The following GGCX variants were observed in gnomAD, a reference collection of about 807,000 sequenced individuals.
GGCX encodes gamma-glutamyl carboxylase, also known as vitamin K-dependent gamma-carboxylase.
GGCX carries 63 observed loss-of-function variants against 88.5 expected under a neutral mutation model. The observed-to-expected ratio is 0.71, with a 90% confidence interval of 0.58 to 0.88. The LOEUF is 0.88. Ranked by LOEUF, GGCX falls within the 40% of genes least tolerant of loss-of-function variation. The pLI is 0.00. For synonymous variants in GGCX, 368 were observed against 365.8 expected (o/e 1.01, Z -0.07); for missense variants, 805 against 932.9 (o/e 0.86, Z 1.79).
Position 85,555,540 on chromosome 2 carries a change from C to T in GGCX, c.669G>A (p.Trp223Ter). 1 of 1,608,846 alleles carries T rather than the reference C, an allele frequency of 6.2e-7. No individual in the cohort carries two copies. Among genetic ancestry groups the T allele is most frequent in the Non-Finnish European group, 8.5e-7 (1 of 1,175,238 alleles). Residue 223 changes from tryptophan to a stop codon, truncating the protein, a stop_gained, in exon 6 of 15, where the codon TGG (tryptophan) becomes TGA (stop). Transcript: ENST00000233838. LOFTEE classifies it high-confidence loss of function. ...AATATTCCATGGAATAGCCTTCAAC[C>T]CAGTCTGCATCCAGCTTTTTCACAC... is the stretch of plus-strand genomic sequence containing the variant. ...IAGVKKLDAD[W>*]VEGYSMEYLS...
chr2:85,553,659 G>A (rs2103967453), intron 7 of GGCX, 162 bp from the exon 8 acceptor site: 1 of 684,770 alleles, frequency 1.5e-6, no homozygotes, highest in Non-Finnish European at 2.5e-6. Context: ...GAGTGCAGTG[G>A]CGTGATCTCA....
In GGCX at chr2:85,551,968, G is replaced by A. The variant is rs773659201; in HGVS notation, c.1453C>T (p.Arg485Cys). 10 of 1,613,650 alleles carry A rather than the reference G, an allele frequency of 6.2e-6. No individual in the cohort carries two copies. The highest frequency in any genetic ancestry group is 3.3e-5 in the Admixed American group (2 of 59,986). The change falls in exon 11 of 15, where the codon CGT (arginine) becomes TGT (cysteine). Residue 485 changes from arginine to cysteine, a missense_variant. This residue lies in a region of GGCX where 680 missense variants were observed against 763.7 expected (regional missense o/e 0.89). Transcript: ENST00000233838. ...CAAGCGGCCTGCACGATGTCCACAC[G>A]AGGGTCAAAAATCCTTAGGAAAGAA... ...DRFQQRIFDPRVDIVQAAWSP... is the reference protein window; with the variant it reads ...DRFQQRIFDPCVDIVQAAWSP...
In GGCX at chr2:85,560,903, C is replaced by T. The variant is rs1206452899; in HGVS notation, c.126G>A (p.Trp42Ter). 1.9e-6 allele frequency: 3 copies of T among 1,613,856 alleles called. No individual in the cohort carries two copies. Among genetic ancestry groups the T allele is most frequent in the Non-Finnish European group, 1.7e-6 (2 of 1,179,732 alleles). The change falls in exon 2 of 15, where the codon TGG (tryptophan) becomes TGA (stop). Residue 42 changes from tryptophan to a stop codon, truncating the protein, a stop_gained. Transcript: ENST00000233838. LOFTEE classifies it high-confidence loss of function. ...GCCTCCGCCAACTGGACAAATCTGT[C>T]CACTCAAAACCCAAGAGTTTCCCTA... is the stretch of plus-strand genomic sequence containing the variant. Reference protein sequence around the residue: ...SRIGKLLGFEWTDLSSWRRLV... With the variant: ...SRIGKLLGFE
At chr2:85,550,879 T>G in intron 13 of GGCX, 46 bp downstream of exon 13, 10 of 1,607,196 alleles carry the variant, frequency 6.2e-6, no homozygotes, top group Non-Finnish European at 8.5e-6. Context: ...TAACCCTGAC[T>G]TCTTGAAACC....
rs1691926177 is a variant in GGCX, at chr2:85,551,053, T to C, written c.1760A>G (p.His587Arg). The change falls in exon 13 of 15, where the codon CAT becomes CGT. Residue 587 changes from histidine (H) to arginine (R), a missense_variant. His to Arg is a conservative substitution (Grantham distance 29). Transcript: ENST00000233838. ...EKMQLPAGEY[H>R]KVYTTSPSPS... Reference sequence around the variant, plus strand: ...GCTAGGTGATGTCGTATACACCTTATGGTACTCACCAGCAGGCAACTGACA... The same window carrying C: ...GCTAGGTGATGTCGTATACACCTTACGGTACTCACCAGCAGGCAACTGACA... 8 of 1,613,874 alleles carry C rather than the reference T, an allele frequency of 5.0e-6. No homozygotes were observed. The African/African-American group carries it at 9.3e-5, about 19-fold the overall frequency.
At position 85,550,933 on chromosome 2, in the gene GGCX, T is replaced by G; in HGVS notation, c.1880A>C (p.Asn627Thr). Reference sequence around the variant, plus strand: ...AATGTTCATACACTCACCACTTCCATTCTCCACCTTTTCCTTTAATTCTTG... The same window carrying G: ...AATGTTCATACACTCACCACTTCCAGTCTCCACCTTTTCCTTTAATTCTTG... ...YLQELKEKVE[N>T]GSETGPLPPE... Residue 627 changes from asparagine to threonine, a missense_variant, in exon 13 of 15, where the codon AAT becomes ACT. By Grantham distance (65) the Asn-to-Thr change is moderately conservative. Transcript: ENST00000233838. The G allele has an allele frequency of 6.2e-7, 1 of 1,614,160 alleles. No individual in the cohort carries two copies. Among genetic ancestry groups the G allele is most frequent in the Non-Finnish European group, 8.5e-7 (1 of 1,179,990 alleles).
At chr2:85,557,916 C>T (rs923295923) in intron 4 of GGCX, among the ~76,000 whole-genome samples, 1 of 152,128 alleles carries the variant, frequency 6.6e-6, no homozygotes, top group Non-Finnish European at 1.5e-5. Flanking sequence ...CTCCAAATCC[C>T]TTCTCCACCT....
intron 6 of GGCX, 167 bp from the exon 7 acceptor site, chr2:85,554,473 T>TTGC: frequency 3.0e-6 from 2 of 676,464 alleles, no homozygotes; most frequent in Non-Finnish European, 5.3e-6. Context: ...GTTGTTGTTG[T>TTGC]TGTTGTTGTT....
rs1691890347 is a variant in GGCX, at chr2:85,550,539, ATTG to A, written c.2084+13_2084+15del. ...CCAACATATGATGGCAATGACAAAT[ATTG>A]TTGTGAACTTACCTGCGGCGAAAGA... On this transcript the variant is annotated intron_variant, in intron 14 of 14. Coordinates refer to ENST00000233838, the MANE Select transcript of GGCX (RefSeq NM_000821.7). The A allele has an allele frequency of 6.3e-7, 1 of 1,596,436 alleles. No homozygotes were observed. Among genetic ancestry groups the A allele is most frequent in the Admixed American group, 1.7e-5 (1 of 59,972 alleles).
chr2:85,560,938 C>T lies in GGCX; in HGVS notation c.91G>A (p.Asp31Asn), dbSNP rs74843621. ...KAELISGPRQ[D>N]SRIGKLLGFE... is the part of the protein sequence containing the mutation. Reference sequence around the variant, plus strand: ...CCCAAGAGTTTCCCTATTCGGCTGTCCTGCCTGGGCCCTGAGATCAGTTCA... The same window carrying T: ...CCCAAGAGTTTCCCTATTCGGCTGTTCTGCCTGGGCCCTGAGATCAGTTCA... The change falls in exon 2 of 15, where the codon GAC (aspartate) becomes AAC (asparagine). Residue 31 changes from aspartate (D) to asparagine (N), a missense_variant. Physicochemically the swap from Asp to Asn is conservative, Grantham distance 23. This residue lies in a region of GGCX where 64 missense variants were observed against 57.4 expected (regional missense o/e 1.12). Transcript: ENST00000233838. 346 of 1,614,062 alleles carry T rather than the reference C, an allele frequency of 2.1e-4. No individual in the cohort carries two copies. The African/African-American group carries it at 4.1e-3, about 19-fold the overall frequency.
Position 85,553,064 on chromosome 2 carries a change from T to C in GGCX, c.1162A>G (p.Asn388Asp), listed in dbSNP as rs761999595. 1 of 1,614,160 alleles carries C rather than the reference T, an allele frequency of 6.2e-7. No individual in the cohort carries two copies. Among genetic ancestry groups the C allele is most frequent in the South Asian group, 1.1e-5 (1 of 91,084 alleles). ...PYSHFLTQGY[N>D]NWTNGLYGYS... ...CCATACAGCCCATTTGTCCAGTTGT[T>C]ATAGCCCTGGGAAGGCAGCACAGAG... The change falls in exon 9 of 15, where the codon AAC (asparagine) becomes GAC (aspartate). Residue 388 changes from asparagine (N) to aspartate (D), a missense_variant. Asn to Asp is a conservative substitution (Grantham distance 23). This residue lies in a region of GGCX where 680 missense variants were observed against 763.7 expected (regional missense o/e 0.89). Transcript: ENST00000233838.
chr2:85,554,765 GC>G, intron 6 of GGCX: 2 of 252,958 alleles, frequency 7.9e-6, no homozygotes, highest in East Asian at 9.4e-5. Context: ...ACCATGCCCA[GC>G]CCCCTCTACA....
Position 85,546,914 on chromosome 2 carries a change from G to A in GGCX, c.*3020C>T, listed in dbSNP as rs1159070440. On this transcript the variant is annotated 3_prime_UTR_variant, in exon 15 of 15. Coordinates refer to ENST00000233838, the MANE Select transcript of GGCX (RefSeq NM_000821.7). ...ACATTAGGGGAATGAGCATGGATAG[G>A]TGCCTCCAAGTTGGTAGAATAGCAT... 5 of 152,208 alleles carry A rather than the reference G, an allele frequency of 3.3e-5. No individual in the cohort carries two copies. The highest frequency in any genetic ancestry group is 6.5e-5 in the Admixed American group (1 of 15,286). 9.4% of individuals were successfully genotyped at this position (152,208 alleles called of 1,614,324 possible). A position where few individuals can be genotyped will look rare whatever the true frequency, so the allele number is the denominator to read the frequency against.
chr2:85,561,480 C>A lies in GGCX; in HGVS notation c.-52G>T. 1 of 1,400,756 alleles carries A rather than the reference C, an allele frequency of 7.1e-7. No individual in the cohort carries two copies. The highest frequency in any genetic ancestry group is 1.9e-4 in the Middle Eastern group (1 of 5,270). 86.8% of individuals were successfully genotyped at this position (1,400,756 alleles called of 1,614,324 possible). Reference sequence around the variant, plus strand: ...ACAGCTGCCGCGTCTGAACGGAGGCCGCCAGGAGAATTTGCTTCCCTAGGC... The same window carrying A: ...ACAGCTGCCGCGTCTGAACGGAGGCAGCCAGGAGAATTTGCTTCCCTAGGC... On this transcript the variant is annotated 5_prime_UTR_variant, in exon 1 of 15. Coordinates refer to ENST00000233838, the MANE Select transcript of GGCX (RefSeq NM_000821.7).
At position 85,552,560 on chromosome 2, in the gene GGCX, G is replaced by A; in HGVS notation, c.1295C>T (p.Thr432Ile). Reference sequence around the variant, plus strand: ...ATGATCCTTCCATCGCCGACTCTGTGTAAATACCTGCCCCAAACCCCCATA... The same window carrying A: ...ATGATCCTTCCATCGCCGACTCTGTATAAATACCTGCCCCAAACCCCCATA... The part of the protein sequence containing the change: ...ELGYLNPGVF[T>I]QSRRWKDHAD... The change falls in exon 10 of 15, where the codon ACA becomes ATA. Residue 432 changes from threonine (T) to isoleucine (I), a missense_variant. Thr to Ile is a moderately conservative substitution (Grantham distance 89). This residue lies in a region of GGCX where 680 missense variants were observed against 763.7 expected (regional missense o/e 0.89). Coordinates refer to ENST00000233838, the MANE Select transcript of GGCX (RefSeq NM_000821.7). The A allele has an allele frequency of 6.2e-7, 1 of 1,613,348 alleles. No individual in the cohort carries two copies. The highest frequency in any genetic ancestry group is 8.5e-7 in the Non-Finnish European group (1 of 1,179,924).
intron 10 of GGCX, 57 bp downstream of exon 10, chr2:85,552,359 A>C: frequency 6.6e-7 from 1 of 1,507,850 alleles, no homozygotes; most frequent in Non-Finnish European, 9.2e-7. Flanking sequence ...AGGGCTGTTC[A>C]TCTTGGTAAA....
chr2:85,561,362 CG>C lies in GGCX; in HGVS notation c.43+23del, dbSNP rs777717577. 1.1e-5 allele frequency: 17 copies of C among 1,522,554 alleles called. No individual in the cohort carries two copies. In the East Asian group the frequency reaches 3.7e-4, roughly 34 times the overall value. The allele number at this position is 1,522,554 out of a possible 1,614,324, so 94.3% of individuals were successfully genotyped here. On this transcript the variant is annotated intron_variant, in intron 1 of 14. Coordinates refer to ENST00000233838, the MANE Select transcript of GGCX (RefSeq NM_000821.7). ...ACCAGCGCTCCTAGGAACTCTCCGC[CG>C]GAGGGCGGGGTCCTAAGCCTACCTG...
rs1484028140 is a variant in GGCX, at chr2:85,545,495, G to A, written c.*4439C>T. ...TGAATAACCTGAGAATACTATATGT[G>A]TATCTTTAACCTTGAATTGTAATCC... On this transcript the variant is annotated 3_prime_UTR_variant, in exon 15 of 15. Coordinates refer to ENST00000233838, the MANE Select transcript of GGCX (RefSeq NM_000821.7). The A allele has an allele frequency of 6.6e-6, 1 of 152,196 alleles. No homozygotes were observed. Among genetic ancestry groups the A allele is most frequent in the Non-Finnish European group, 1.5e-5 (1 of 68,042 alleles). 9.4% of individuals were successfully genotyped at this position (152,196 alleles called of 1,614,324 possible).
rs773596867 is a variant in GGCX at position 85,549,994 on chromosome 2, C to T, written c.2217G>A (p.Thr739=). The T allele has an allele frequency of 3.1e-5, 50 of 1,613,434 alleles. No individual in the cohort carries two copies. The highest frequency in any genetic ancestry group is 3.1e-4 in the South Asian group (28 of 91,056). The change falls in exon 15 of 15, where the codon ACG becomes ACA. Residue 739 remains threonine, a synonymous_variant. Transcript: ENST00000233838. ...EAVGELNPSN[T]DSSHSNPPES... ...CAGGAGGATTAGAATGTGAAGAATC[C>T]GTGTTTGAGGGATTCAGTTCTCCAA...
Sources: gnomAD v4.1 joint callset for allele counts (sites outside exome capture counted in the v4.1 genomes callset) on GRCh38, gnomAD v4.1.1 for gene constraint, gnomAD v4.1.1 regional missense constraint, MANE v1.5 for transcripts, NCBI Gene and HGNC (gene_info 2026-07-23, HGNC 2026-07-21) for gene names.